MVK: variants seen among roughly 807,000 people sequenced by gnomAD.
MVK encodes the protein LH receptor mRNA-binding protein.
MVK carries 34 observed loss-of-function variants against 43.2 expected under a neutral mutation model. The observed-to-expected ratio is 0.79, with a 90% CI of 0.60 to 1.05. The LOEUF (loss-of-function observed/expected upper bound fraction) is 1.05, where lower values mean the gene tolerates loss of function less well. Ranked by LOEUF, MVK falls within the 50% of genes least tolerant of loss-of-function variation. The pLI is 0.00. For synonymous variants in MVK, 190 were observed against 219.8 expected (o/e 0.86, Z 1.20); for missense variants, 395 against 504.0 (o/e 0.78, Z 2.07).
intron 7 of MVK, 41 bp downstream of exon 7, chr12:109,586,840 TTGA>T: frequency 6.2e-7 from 1 of 1,610,722 alleles, no homozygotes; most frequent in South Asian, 1.1e-5. Flanking sequence ...CATGGCTGCA[TTGA>T]TGTGTGCAGG....
chr12:109,579,330 G>A lies in MVK; in HGVS notation c.227-472G>A, dbSNP rs1163079933. ...AGTTTTTGTACTTTCTGTAGAGTTGGGGTTTCGCCATGTTACCTAGGCTGG... is the reference window on the plus strand; with the variant it reads ...AGTTTTTGTACTTTCTGTAGAGTTGAGGTTTCGCCATGTTACCTAGGCTGG... On this transcript the variant is annotated intron_variant, in intron 3 of 10. Coordinates refer to ENST00000228510, the MANE Select transcript of MVK (RefSeq NM_000431.4). 13 of 362,010 alleles carry A rather than the reference G, an allele frequency of 3.6e-5. 1 individual carries two copies. The highest frequency in any genetic ancestry group is 2.2e-4 in the South Asian group (11 of 48,950). 22.4% of individuals were successfully genotyped at this position (362,010 alleles called of 1,614,324 possible). A position where few individuals can be genotyped will look rare whatever the true frequency, so the allele number is the denominator to read the frequency against.
upstream of MVK, chr12:109,573,703 A>G: frequency 1.6e-6 from 1 of 621,418 alleles, no homozygotes; most frequent in Admixed American, 2.5e-5. Flanking sequence ...CTATTGACCA[A>G]TGTTCAAGCC....
At chr12:109,573,467 C>G (rs769048646), upstream of MVK, 1 of 1,605,020 alleles carries the variant, frequency 6.2e-7, no homozygotes, top group Admixed American at 1.7e-5. Context: ...GCTCCCCAGG[C>G]CGCACACAGC....
rs559002786 is a variant in MVK, at chr12:109,583,023, G to A, written c.527+1473G>A. On this transcript the variant is annotated intron_variant, in intron 5 of 10. Transcript: ENST00000228510. ...TTACAGAAACACCTGGTTTGTTTTT[G>A]TTTTTGTTTTTTTAACTATATTATC... Among the ~76,000 whole-genome samples, 23 of 151,532 alleles carry A rather than the reference G, an allele frequency of 1.5e-4. No homozygotes were observed. In the South Asian group the frequency reaches 4.6e-3, roughly 30 times the overall value.
chr12:109,573,733 G>A (rs1033542912), upstream of MVK: 39 of 560,924 alleles, frequency 7.0e-5, no homozygotes, highest in Non-Finnish European at 1.2e-4. Context: ...AGGTACTCCG[G>A]GCTCGCGCGC....
At chr12:109,573,574 T>G, upstream of MVK, 1 of 1,455,506 alleles carries the variant, frequency 6.9e-7, no homozygotes, top group African/African-American at 1.4e-5. Context: ...CCGCTCAGGT[T>G]TCAATTTTTA....
At chr12:109,592,603 G>A (rs1307985619) in intron 9 of MVK, among the ~76,000 whole-genome samples, 1 of 152,212 alleles carries the variant, frequency 6.6e-6, no homozygotes, top group Non-Finnish European at 1.5e-5. Context: ...CTTTTCACTT[G>A]ATCCTCACAC....
intron 9 of MVK, among the ~76,000 whole-genome samples, chr12:109,593,466 G>A (rs1885771458): frequency 6.7e-6 from 1 of 148,740 alleles, no homozygotes; most frequent in South Asian, 2.1e-4. Context: ...CGGAAGTGAG[G>A]AATGCCAGGG....
chr12:109,590,890 T>G, intron 8 of MVK, 29 bp downstream of exon 8: 1 of 1,605,266 alleles, frequency 6.2e-7, no homozygotes, highest in South Asian at 1.1e-5. Flanking sequence ...TTGGGCAGGT[T>G]TCAGGAAGGC....
rs756662416 is a variant in MVK at position 109,596,535 on chromosome 12, C to G, written c.1149C>G (p.Thr383=). 13 of 1,612,206 alleles carry G rather than the reference C, an allele frequency of 8.1e-6. No homozygotes were observed. In the South Asian group the frequency reaches 1.4e-4, roughly 18 times the overall value. ...GAPGVSIHSA[T]SLDSRVQQAL... ...CCGGCGTCTCCATCCACTCAGCCAC[C>G]TCCCTGGACAGCCGAGTCCAGCAAG... The change falls in exon 11 of 11, where the codon ACC becomes ACG. Residue 383 remains threonine, a synonymous_variant. Transcript: ENST00000228510.
At chr12:109,575,728 A>G (rs967165492) in intron 2 of MVK, among the ~76,000 whole-genome samples, 1 of 152,130 alleles carries the variant, frequency 6.6e-6, no homozygotes, top group Non-Finnish European at 1.5e-5. Context: ...TCTCATTGAA[A>G]ACATGGTGAT....
upstream of MVK, chr12:109,573,624 G>A (rs1385205837): frequency 1.0e-6 from 1 of 993,732 alleles, no homozygotes; most frequent in Non-Finnish European, 1.5e-6. Flanking sequence ...ACACTCCCAG[G>A]GACTTGTTTC....
intron 4 of MVK, 90 bp downstream of exon 4, chr12:109,580,036 T>C: frequency 6.4e-7 from 1 of 1,571,150 alleles, no homozygotes; most frequent in Non-Finnish European, 8.7e-7. Flanking sequence ...AGAATGCACA[T>C]GCTCTCTTCT....
At chr12:109,579,206 C>A (rs1383200032) in intron 3 of MVK, 2 of 446,324 alleles carry the variant, frequency 4.5e-6, no homozygotes, top group South Asian at 3.2e-5. Flanking sequence ...GTGGTGCGAC[C>A]ACAGCTCACT....
At chr12:109,577,471 T>C (rs1044234250) in intron 3 of MVK, among the ~76,000 whole-genome samples, 18 of 152,306 alleles carry the variant, frequency 1.2e-4, no homozygotes, top group African/African-American at 3.8e-4. Context: ...GAGGAAGAGT[T>C]GAAAATTCTC....
At position 109,596,999 on chromosome 12, in the gene MVK, G is replaced by T; in HGVS notation, c.*422G>T. On this transcript the variant is annotated 3_prime_UTR_variant, in exon 11 of 11. Transcript: ENST00000228510. ...TTCAGGGACCGCCCCCTGTCTCTCA[G>T]GGCCAGGCCTCTCCCTCCTCCAGGA... is the stretch of plus-strand genomic sequence containing the variant. 3.7e-6 allele frequency: 1 copy of T among 267,026 alleles called. No individual in the cohort carries two copies. 16.5% of individuals were successfully genotyped at this position (267,026 alleles called of 1,614,324 possible).
rs558087403 is a variant in MVK, at chr12:109,591,604, G to C, written c.885+247G>C. Among the ~76,000 whole-genome samples, 3 of 152,348 alleles carry C rather than the reference G, an allele frequency of 2.0e-5. No homozygotes were observed. In the East Asian group the frequency reaches 5.8e-4, roughly 29 times the overall value. ...TGCAAGGGAGGCCAGGGCCTGGCTC[G>C]TGCTAAGTGCAATGGAAACAGGTTT... is the stretch of plus-strand genomic sequence containing the variant. On this transcript the variant is annotated intron_variant, in intron 9 of 10. Coordinates refer to ENST00000228510, the MANE Select transcript of MVK (RefSeq NM_000431.4).
At position 109,578,666 on chromosome 12, in the gene MVK, C is replaced by G. The variant is rs1885069160; in HGVS notation, c.227-1136C>G. Among the ~76,000 whole-genome samples, 4 of 152,218 alleles carry G rather than the reference C, an allele frequency of 2.6e-5. No individual in the cohort carries two copies. In the South Asian group the frequency reaches 8.3e-4, roughly 32 times the overall value. On this transcript the variant is annotated intron_variant, in intron 3 of 10. Coordinates refer to ENST00000228510, the MANE Select transcript of MVK (RefSeq NM_000431.4). ...TCTCGATTACAAAGCTCTGAAATAC[C>G]TGGGTTCTCAATGATGCCATGACTT...
Position 109,579,733 on chromosome 12 carries a change from G to A in MVK, c.227-69G>A, listed in dbSNP as rs562317416. 99 of 1,593,220 alleles carry A rather than the reference G, an allele frequency of 6.2e-5. No homozygotes were observed. The African/African-American group carries it at 9.9e-4, about 16-fold the overall frequency. On this transcript the variant is annotated intron_variant, in intron 3 of 10. Transcript: ENST00000228510. ...TTCCAGTGACTAGTCGATTTTCTGT[G>A]TTCTGTTGTTTATAAAGCACCAAAG...
Sources: allele counts gnomAD v4.1 joint callset (sites outside exome capture counted in the v4.1 genomes callset), GRCh38; gene constraint gnomAD v4.1.1; transcripts MANE v1.5; gene names NCBI Gene and HGNC (gene_info 2026-07-23, HGNC 2026-07-21).